Variants in FANCI observed in about 807,000 individuals in gnomAD.
FANCI encodes the protein FA complementation group I, also known as Fanconi anemia group I protein.
FANCI carries 156 observed loss-of-function variants against 176.1 expected under a neutral mutation model. The observed-to-expected ratio is 0.89, with a 90% CI of 0.78 to 1.01. FANCI has a LOEUF of 1.01. Ranked by LOEUF, FANCI falls within the 50% of genes least tolerant of loss-of-function variation. The pLI is 0.00. For missense variants in FANCI, 1,678 were observed against 1,534.1 expected, an observed-to-expected ratio of 1.09 and a Z score of -1.57; for synonymous variants, 613 against 541.7, an observed-to-expected ratio of 1.13 and a Z score of -1.83.
chr15:89,251,453 T>C (rs2052245312), intron 2 of FANCI, among the ~76,000 whole-genome samples: 2 of 152,240 alleles, frequency 1.3e-5, no homozygotes, highest in African/African-American at 4.8e-5. Context: ...AACTTCCAAG[T>C]TCTTTGAATG....
intron 37 of FANCI, among the ~76,000 whole-genome samples, chr15:89,315,664 A>G (rs1274978790): frequency 9.9e-5 from 15 of 152,196 alleles, no homozygotes; most frequent in Admixed American, 9.8e-4. Flanking sequence ...TTAATCTTTT[A>G]AACTACTGGA....
chr15:89,308,486 C>T (rs941814122), intron 34 of FANCI, among the ~76,000 whole-genome samples: 1 of 152,232 alleles, frequency 6.6e-6, no homozygotes, highest in Admixed American at 6.5e-5. Flanking sequence ...AAGTGTCAAT[C>T]TCAGCCAAGA....
chr15:89,252,506 A>C (rs1052535987), intron 2 of FANCI, among the ~76,000 whole-genome samples: 5 of 151,970 alleles, frequency 3.3e-5, no homozygotes, highest in African/African-American at 1.2e-4. Flanking sequence ...TTGGGAGGCC[A>C]AGGCAGGCGG....
At chr15:89,298,555 A>C (rs2151820143) in intron 24 of FANCI, among the ~76,000 whole-genome samples, 1 of 152,318 alleles carries the variant, frequency 6.6e-6, no homozygotes, top group African/African-American at 2.4e-5. Flanking sequence ...ACATTAAGAA[A>C]ATAGAAAAAG....
intron 14 of FANCI, among the ~76,000 whole-genome samples, chr15:89,279,105 A>G (rs891419546): frequency 6.6e-6 from 1 of 152,092 alleles, no homozygotes; most frequent in African/African-American, 2.4e-5. Flanking sequence ...TTTGGACTGC[A>G]CAGTGTTTCT....
chr15:89,273,713 G>A (rs1345291208), intron 11 of FANCI, among the ~76,000 whole-genome samples: 1 of 151,440 alleles, frequency 6.6e-6, no homozygotes, highest in Non-Finnish European at 1.5e-5. Context: ...AGGTAGTGAG[G>A]TGGGAATAAG....
At chr15:89,296,590 A>C (rs546173554) in intron 24 of FANCI, among the ~76,000 whole-genome samples, 2 of 152,180 alleles carry the variant, frequency 1.3e-5, no homozygotes, top group South Asian at 4.1e-4. Flanking sequence ...TCCCATGTCT[A>C]CTTCTTTCTA....
At chr15:89,285,731 C>G (rs2053790185) in intron 18 of FANCI, among the ~76,000 whole-genome samples, 1 of 133,128 alleles carries the variant, frequency 7.5e-6, no homozygotes. Context: ...AAGACTAAGT[C>G]CTTTTTTTTG....
chr15:89,290,274 T>G lies in FANCI; in HGVS notation c.1883T>G (p.Leu628Arg). ...GCTAATTCAGTCATGCAAACTCTGC[T>G]CTCACAGGTAAAATACATTTTTATG... Reference protein sequence around the residue: ...QLANSVMQTLLSQLKQFYEPK... With the variant: ...QLANSVMQTLRSQLKQFYEPK... The change falls in exon 19 of 38, where the codon CTC becomes CGC. Residue 628 changes from leucine to arginine, a missense_variant. Physicochemically the swap from Leu to Arg is moderately radical, Grantham distance 102. Around this residue, in one of 3 missense-constraint regions of FANCI, gnomAD observed 1,204 missense variants for 1,077.4 expected, o/e 1.12. Transcript: ENST00000310775. 2 of 1,612,468 alleles carry G rather than the reference T, an allele frequency of 1.2e-6. No individual in the cohort carries two copies. The highest frequency in any genetic ancestry group is 1.7e-6 in the Non-Finnish European group (2 of 1,178,520).
intron 10 of FANCI, among the ~76,000 whole-genome samples, chr15:89,272,291 G>A (rs988682083): frequency 6.6e-6 from 1 of 152,082 alleles, no homozygotes; most frequent in African/African-American, 2.4e-5. Context: ...TTTTTTGAGT[G>A]TGTTGTTTGT....
At position 89,261,700 on chromosome 15, in the gene FANCI, C is replaced by G. The variant is rs779117451; in HGVS notation, c.404C>G (p.Thr135Ser). The change falls in exon 5 of 38, where the codon ACT becomes AGT. Residue 135 changes from threonine to serine, a missense_variant. By Grantham distance (58) the Thr-to-Ser change is moderately conservative. Coordinates refer to ENST00000310775, the MANE Select transcript of FANCI (RefSeq NM_001113378.2). The part of the protein sequence containing the change: ...KSLELLPIIL[T>S]ALATKKENLA... ...TTGGAGTTACTACCTATCATTCTCA[C>G]TGCCCTGGCTACGAAAAAGGAAAAT... 1.2e-6 allele frequency: 2 copies of G among 1,614,120 alleles called. No homozygotes were observed. The highest frequency in any genetic ancestry group is 2.2e-5 in the East Asian group (1 of 44,870).
chr15:89,285,198 G>A lies in FANCI; in HGVS notation c.1801G>A (p.Val601Ile), dbSNP rs200007022. ...GAGATGCTTAAGCCAGCAAGCTGAT[G>A]TTCGACTCATGCTTTATGAGGTAAG... ...LRRCLSQQAD[V>I]RLMLYEGFYD... The change falls in exon 18 of 38, where the codon GTT becomes ATT. Residue 601 changes from valine (V) to isoleucine (I), a missense_variant. Coordinates refer to ENST00000310775, the MANE Select transcript of FANCI (RefSeq NM_001113378.2). 236 of 1,614,142 alleles carry A rather than the reference G, an allele frequency of 1.5e-4. No homozygotes were observed. The highest frequency in any genetic ancestry group is 1.7e-4 in the Non-Finnish European group (201 of 1,180,018).
Position 89,290,197 on chromosome 15 carries a change from C to G in FANCI, c.1822-16C>G. 1.2e-6 allele frequency: 2 copies of G among 1,607,514 alleles called. No homozygotes were observed. Among genetic ancestry groups the G allele is most frequent in the Non-Finnish European group, 1.7e-6 (2 of 1,173,980 alleles). ...CTCTGTTAAAGTGCTTATTTCTTCT[C>G]TTTGATTCCTCTTAGGGGTTTTATG... On this transcript the variant is annotated splice_polypyrimidine_tract_variant and intron_variant, in intron 18 of 37. Coordinates refer to ENST00000310775, the MANE Select transcript of FANCI (RefSeq NM_001113378.2).
In FANCI at chr15:89,316,485, T is replaced by G; in HGVS notation, c.*26T>G. On this transcript the variant is annotated 3_prime_UTR_variant, in exon 38 of 38. Transcript: ENST00000310775. ...ATGAAATGCCTGAGTTAATGTGAACTTTGGGGCTTCTGCTTCATTTTTACC... is the reference window on the plus strand; with the variant it reads ...ATGAAATGCCTGAGTTAATGTGAACGTTGGGGCTTCTGCTTCATTTTTACC... 3 of 1,595,906 alleles carry G rather than the reference T, an allele frequency of 1.9e-6. No individual in the cohort carries two copies. The highest frequency in any genetic ancestry group is 2.6e-6 in the Non-Finnish European group (3 of 1,169,674).
At chr15:89,305,556 C>G (rs749466177) in intron 30 of FANCI, 49 bp from the exon 31 acceptor site, 3 of 1,603,988 alleles carry the variant, frequency 1.9e-6, no homozygotes, top group Non-Finnish European at 2.6e-6. Context: ...TATTATATTA[C>G]CCCCACAGCT....
At chr15:89,248,954 T>A (rs2052109418) in intron 2 of FANCI, among the ~76,000 whole-genome samples, 1 of 152,142 alleles carries the variant, frequency 6.6e-6, no homozygotes, top group South Asian at 2.1e-4. Context: ...TTGGGAGGAT[T>A]CCTTTAGGCC....
chr15:89,285,025 T>G, intron 17 of FANCI, 71 bp from the exon 18 acceptor site: 2 of 1,606,588 alleles, frequency 1.2e-6, no homozygotes, highest in South Asian at 2.2e-5. Context: ...ACCAAGAACA[T>G]AGGCTCATTT....
chr15:89,316,311 G>C (rs1358450027), intron 37 of FANCI, 86 bp from the exon 38 acceptor site: 5 of 1,327,960 alleles, frequency 3.8e-6, no homozygotes, highest in Non-Finnish European at 5.3e-6. Context: ...TTGATGAGAA[G>C]ATAGAGTCTT....
intron 2 of FANCI, among the ~76,000 whole-genome samples, chr15:89,252,259 C>T (rs1483385960): frequency 6.6e-6 from 1 of 150,402 alleles, no homozygotes; most frequent in African/African-American, 2.4e-5. Flanking sequence ...CAGATTGCAC[C>T]ATTGCACTTC....
Sources: allele counts gnomAD v4.1 joint callset (sites outside exome capture counted in the v4.1 genomes callset), GRCh38; gene constraint gnomAD v4.1.1; regional missense constraint gnomAD v4.1.1; transcripts MANE v1.5; gene names NCBI Gene and HGNC (gene_info 2026-07-23, HGNC 2026-07-21).